Variants in SLC38A3 observed in about 807,000 individuals in gnomAD.
SLC38A3 encodes solute carrier family 38 member 3.
In SLC38A3, 17 loss-of-function variants were observed where a neutral mutation model predicts 59.5. That is an observed-to-expected ratio of 0.29 (90% CI 0.20 to 0.43). SLC38A3 has a LOEUF of 0.43. SLC38A3 is among the 20% of genes least tolerant of loss of function. SLC38A3 has a pLI of 1.00. For missense variants in SLC38A3, 454 were observed against 653.9 expected, an observed-to-expected ratio of 0.69 and a Z score of 3.33; for synonymous variants, 238 against 260.3, an observed-to-expected ratio of 0.91 and a Z score of 0.82.
At chr3:50,207,980 TG>T (rs1699668195) in intron 1 of SLC38A3, 1 of 152,370 alleles carries the variant, frequency 6.6e-6, no homozygotes, top group African/African-American at 2.4e-5. Flanking sequence ...AGACAAGTCC[TG>T]GGTGCTGGAC....
At chr3:50,210,127 T>G (rs987021462) in intron 1 of SLC38A3, among the ~76,000 whole-genome samples, 1 of 152,128 alleles carries the variant, frequency 6.6e-6, no homozygotes, top group African/African-American at 2.4e-5. Flanking sequence ...TTTCCCCCCT[T>G]ACTAACACCT....
In SLC38A3 at chr3:50,218,562, A is replaced by T; in HGVS notation, c.1037-31A>T. On this transcript the variant is annotated intron_variant, in intron 12 of 15. Coordinates refer to ENST00000614032, the MANE Select transcript of SLC38A3 (RefSeq NM_006841.6). The surrounding 1 kb of genome is among the most constrained non-coding windows in gnomAD (Gnocchi z 5.8). ...CAGATCCCACCTCCTTCCTGGGGCC[A>T]CCTACTGACCACCCTCCCTGCCTGC... The T allele has an allele frequency of 6.2e-7, 1 of 1,605,310 alleles. No individual in the cohort carries two copies.
chr3:50,217,221 G>A lies in SLC38A3; in HGVS notation c.549-17G>A, dbSNP rs761374117. ...TGAATGGATTCTGACCCTGGCTCCC[G>A]ACTCATGTCCCTGCAGGGACTGGTA... is the stretch of plus-strand genomic sequence containing the variant. On this transcript the variant is annotated splice_polypyrimidine_tract_variant and intron_variant, in intron 7 of 15. Coordinates refer to ENST00000614032, the MANE Select transcript of SLC38A3 (RefSeq NM_006841.6). The surrounding 1 kb of genome is among the most constrained non-coding windows in gnomAD (Gnocchi z 4.9). The A allele has an allele frequency of 5.0e-6, 8 of 1,596,948 alleles. No individual in the cohort carries two copies. The highest frequency in any genetic ancestry group is 6.8e-6 in the Non-Finnish European group (8 of 1,168,268).
rs900900947 is a variant in SLC38A3 at position 50,205,301 on chromosome 3, C to T, written c.-99C>T. On this transcript the variant is annotated 5_prime_UTR_variant, in exon 1 of 16. Transcript: ENST00000614032. ...CGAGTTCAGCCGGGAGCAGAGCGAA[C>T]CGCACCGGCCCGAGCGGAGCGCCGC... 9 of 152,378 alleles carry T rather than the reference C, an allele frequency of 5.9e-5. 2 individuals carry two copies. The allele number at this position is 152,378 out of a possible 1,614,324, so 9.4% of individuals were successfully genotyped here. A position where few individuals can be genotyped will look rare whatever the true frequency, so the allele number is the denominator to read the frequency against.
chr3:50,215,048 G>C lies in SLC38A3; in HGVS notation c.299+280G>C. The C allele has an allele frequency of 1.7e-6, 1 of 574,808 alleles. No individual in the cohort carries two copies. Among genetic ancestry groups the C allele is most frequent in the Non-Finnish European group, 3.1e-6 (1 of 322,692 alleles). The allele number at this position is 574,808 out of a possible 1,614,324, so 35.6% of individuals were successfully genotyped here. A position where few individuals can be genotyped will look rare whatever the true frequency, so the allele number is the denominator to read the frequency against. ...TGGCCAAGCCCCACGGCCAGGCCTT[G>C]TGTGGGCACACGTGTCCTTTGGCTG... On this transcript the variant is annotated intron_variant, in intron 4 of 15. Transcript: ENST00000614032. The surrounding 1 kb of genome is among the most constrained non-coding windows in gnomAD (Gnocchi z 7.1).
In SLC38A3 at chr3:50,217,517, T is replaced by G. The variant is rs774021004; in HGVS notation, c.690+44T>G. The G allele has an allele frequency of 1.2e-6, 2 of 1,602,184 alleles. No homozygotes were observed. The highest frequency in any genetic ancestry group is 3.4e-5 in the Admixed American group (2 of 58,384). On this transcript the variant is annotated intron_variant, in intron 9 of 15. Transcript: ENST00000614032. This position sits in a 1 kb window ranked among gnomAD's most constrained non-coding sequence, Gnocchi z 4.9. ...TGGCTGAGAAAGCGGGCAGCGGGTCTCCTGGGGGAGTTCCCTGTCATCAGG... is the reference window on the plus strand; with the variant it reads ...TGGCTGAGAAAGCGGGCAGCGGGTCGCCTGGGGGAGTTCCCTGTCATCAGG...
chr3:50,220,011 C>G (rs587722446), intron 15 of SLC38A3, 27 bp downstream of exon 15: 2 of 1,604,714 alleles, frequency 1.2e-6, no homozygotes, highest in Non-Finnish European at 8.5e-7. Flanking sequence ...GGCCGGTGGG[C>G]TGGTATGGGG....
rs756101517 is a variant in SLC38A3 at position 50,217,765 on chromosome 3, G to C, written c.780G>C (p.Lys260Asn). 1.9e-6 allele frequency: 3 copies of C among 1,613,784 alleles called. No individual in the cohort carries two copies. The highest frequency in any genetic ancestry group is 2.5e-6 in the Non-Finnish European group (3 of 1,179,808). Residue 260 changes from lysine to asparagine, a missense_variant, in exon 10 of 16, where the codon AAG becomes AAC. Lys to Asn is a moderately conservative substitution (Grantham distance 94, BLOSUM62 0). Transcript: ENST00000614032. This position sits in a 1 kb window ranked among gnomAD's most constrained non-coding sequence, Gnocchi z 4.9. Reference protein sequence around the residue: ...TGNFSHVEIVKEKVQLQVEPE... With the variant: ...TGNFSHVEIVNEKVQLQVEPE... ...ACTTCAGCCACGTGGAGATCGTGAA[G>C]GAGAAGGTGCAGCTGCAGGTCGAGC...
chr3:50,206,286 A>G (rs2109147250), intron 1 of SLC38A3, among the ~76,000 whole-genome samples: 1 of 152,374 alleles, frequency 6.6e-6, no homozygotes, highest in South Asian at 2.1e-4. Flanking sequence ...GCTAAGTCAA[A>G]GGCTCTTGAG....
intron 14 of SLC38A3, among the ~76,000 whole-genome samples, chr3:50,219,165 A>G (rs1699864819): frequency 6.6e-6 from 1 of 152,194 alleles, no homozygotes; most frequent in Non-Finnish European, 1.5e-5. Context: ...ACAGGGGTGG[A>G]TCCCAGGGAT....
chr3:50,217,404 C>T lies in SLC38A3; in HGVS notation c.632-11C>T. 1 of 1,613,052 alleles carries T rather than the reference C, an allele frequency of 6.2e-7. No individual in the cohort carries two copies. Among genetic ancestry groups the T allele is most frequent in the Non-Finnish European group, 8.5e-7 (1 of 1,179,472 alleles). ...GGCCCCAGGTCTCAGAGTGCTCCCT[C>T]CACTTTGCAGGCTACCTGGGCTACT... On this transcript the variant is annotated splice_polypyrimidine_tract_variant and intron_variant, in intron 8 of 15. Coordinates refer to ENST00000614032, the MANE Select transcript of SLC38A3 (RefSeq NM_006841.6). The surrounding 1 kb of genome is among the most constrained non-coding windows in gnomAD (Gnocchi z 4.9).
Position 50,218,125 on chromosome 3 carries a change from C to A in SLC38A3, c.935+129C>A. 1 of 1,083,334 alleles carries A rather than the reference C, an allele frequency of 9.2e-7. No homozygotes were observed. The highest frequency in any genetic ancestry group is 1.4e-6 in the Non-Finnish European group (1 of 717,422). 67.1% of individuals were successfully genotyped at this position (1,083,334 alleles called of 1,614,324 possible). A position where few individuals can be genotyped will look rare whatever the true frequency, so the allele number is the denominator to read the frequency against. On this transcript the variant is annotated intron_variant, in intron 11 of 15. Coordinates refer to ENST00000614032, the MANE Select transcript of SLC38A3 (RefSeq NM_006841.6). The surrounding 1 kb of genome is among the most constrained non-coding windows in gnomAD (Gnocchi z 5.8). ...ACTTTATCTGAGATGTCCTTGGCAG[C>A]CATGAGAGGTGATTATGAGCAAGAA...
rs371806254 is a variant in SLC38A3, at chr3:50,218,979, G to T, written c.1306+31G>T. 2 of 1,593,292 alleles carry T rather than the reference G, an allele frequency of 1.3e-6. No homozygotes were observed. The highest frequency in any genetic ancestry group is 1.7e-5 in the Admixed American group (1 of 59,772). ...GGTCTGGCCCTGCTGTGGAAGCAGG[G>T]TATTGCCCCAGAGGATTTCAACTCT... On this transcript the variant is annotated intron_variant, in intron 14 of 15. Coordinates refer to ENST00000614032, the MANE Select transcript of SLC38A3 (RefSeq NM_006841.6). The surrounding 1 kb of genome is among the most constrained non-coding windows in gnomAD (Gnocchi z 5.8).
At chr3:50,209,259 T>A (rs1699690113) in intron 1 of SLC38A3, among the ~76,000 whole-genome samples, 1 of 147,544 alleles carries the variant, frequency 6.8e-6, no homozygotes, top group Non-Finnish European at 1.5e-5. Context: ...GCAACCTCTA[T>A]GGGTGGCAGC....
At chr3:50,216,426 C>G (rs1183682692) in intron 7 of SLC38A3, among the ~76,000 whole-genome samples, 1 of 152,238 alleles carries the variant, frequency 6.6e-6, no homozygotes, top group Non-Finnish European at 1.5e-5. Context: ...GGTCCTGGCC[C>G]TTATCCCCTT....
At position 50,215,440 on chromosome 3, in the gene SLC38A3, C is replaced by G. The variant is rs200039068; in HGVS notation, c.354C>G (p.Leu118=). The change falls in exon 5 of 16, where the codon CTC becomes CTG. Residue 118 remains leucine, a synonymous_variant. Coordinates refer to ENST00000614032, the MANE Select transcript of SLC38A3 (RefSeq NM_006841.6). This position sits in a 1 kb window ranked among gnomAD's most constrained non-coding sequence, Gnocchi z 7.1. ...CCAGCTACTCCATCCACCTGCTACT[C>G]AAGTCCTCAGGGGTCGTGGGTGAGC... ...LLSSYSIHLL[L]KSSGVVGIRA... 1,190 of 1,614,010 alleles carry G rather than the reference C, an allele frequency of 7.4e-4. 6 individuals are homozygous for G. The African/African-American group carries it at 0.012, about 17-fold the overall frequency.
rs574312037 is a variant in SLC38A3 at position 50,214,364 on chromosome 3, G to C, written c.102-38G>C. On this transcript the variant is annotated intron_variant, in intron 2 of 15. Coordinates refer to ENST00000614032, the MANE Select transcript of SLC38A3 (RefSeq NM_006841.6). This position sits in a 1 kb window ranked among gnomAD's most constrained non-coding sequence, Gnocchi z 6.0. ...GCAGGGCAGGGATACAGAGCAAAGGGCTGGAGCTGAGCCACCCACCCTGAC... is the reference window on the plus strand; with the variant it reads ...GCAGGGCAGGGATACAGAGCAAAGGCCTGGAGCTGAGCCACCCACCCTGAC... 1 of 1,604,166 alleles carries C rather than the reference G, an allele frequency of 6.2e-7. No individual in the cohort carries two copies. The highest frequency in any genetic ancestry group is 1.7e-5 in the Admixed American group (1 of 58,474).
At chr3:50,211,093 C>T (rs897853251) in intron 1 of SLC38A3, among the ~76,000 whole-genome samples, 1 of 152,214 alleles carries the variant, frequency 6.6e-6, no homozygotes, top group Non-Finnish European at 1.5e-5. Context: ...CCTAGAGGGT[C>T]TACTCTGGGC....
chr3:50,217,186 C>T lies in SLC38A3; in HGVS notation c.549-52C>T, dbSNP rs1699830652. 7.2e-7 allele frequency: 1 copy of T among 1,383,792 alleles called. No individual in the cohort carries two copies. Among genetic ancestry groups the T allele is most frequent in the African/African-American group, 1.4e-5 (1 of 70,230 alleles). The allele number at this position is 1,383,792 out of a possible 1,614,324, so 85.7% of individuals were successfully genotyped here. A position where few individuals can be genotyped will look rare whatever the true frequency, so the allele number is the denominator to read the frequency against. ...CTCCAGCAGAGGGAGGCAGGGGCCC[C>T]ATCCCAGGCTGAATGGATTCTGACC... is the stretch of plus-strand genomic sequence containing the variant. On this transcript the variant is annotated intron_variant, in intron 7 of 15. Transcript: ENST00000614032. The surrounding 1 kb of genome is among the most constrained non-coding windows in gnomAD (Gnocchi z 4.9).
Sources: gnomAD v4.1 joint callset for allele counts (sites outside exome capture counted in the v4.1 genomes callset) on GRCh38, gnomAD v4.1.1 for gene constraint, Gnocchi (gnomAD v3.1) non-coding constraint, MANE v1.5 for transcripts, NCBI Gene and HGNC (gene_info 2026-07-23, HGNC 2026-07-21) for gene names.